FRYL: variants seen among roughly 807,000 people sequenced by gnomAD.
FRYL encodes protein furry homolog-like.
Under a neutral mutation model 351.2 loss-of-function variants are expected in FRYL, and 150 were observed. The ratio of observed to expected loss-of-function variants is 0.43; its 90% CI spans 0.37 to 0.49. FRYL has a LOEUF of 0.49. Ranked by LOEUF, FRYL falls within the 20% of genes least tolerant of loss-of-function variation. The pLI is 0.00. For synonymous variants in FRYL, 1,153 were observed against 1,257.1 expected, an observed-to-expected ratio of 0.92 and a Z score of 1.75; for missense variants, 3,036 against 3,619.3, an observed-to-expected ratio of 0.84 and a Z score of 4.13.
At chr4:48,552,251 G>C in intron 36 of FRYL, among the ~76,000 whole-genome samples, 1 of 88,768 alleles carries the variant, frequency 1.1e-5, no homozygotes, top group East Asian at 2.6e-4. Flanking sequence ...AGGGGTGTGT[G>C]TGTGTGTGTG....
intron 3 of FRYL, among the ~76,000 whole-genome samples, chr4:48,661,155 C>T (rs1418109347): frequency 6.6e-6 from 1 of 152,148 alleles, no homozygotes; most frequent in Admixed American, 6.6e-5. Flanking sequence ...TGTACTATCC[C>T]TGCAACTTTT....
rs370729838 is a variant in FRYL, at chr4:48,610,390, T to C, written c.412-567A>G. On this transcript the variant is annotated intron_variant, in intron 7 of 63. Transcript: ENST00000358350. ...AAACCAGTAATAAAAGCCCTACTCCTCCACCACATATAATCACTATTAACA... is the reference window on the plus strand; with the variant it reads ...AAACCAGTAATAAAAGCCCTACTCCCCCACCACATATAATCACTATTAACA... 1.0e-3 allele frequency among the ~76,000 whole-genome samples: 158 copies of C among 152,002 alleles called. 3 individuals carry two copies. The South Asian group carries it at 0.032, about 31-fold the overall frequency.
chr4:48,635,605 C>T (rs1169420077), intron 3 of FRYL, among the ~76,000 whole-genome samples: 1 of 152,212 alleles, frequency 6.6e-6, no homozygotes, highest in Non-Finnish European at 1.5e-5. Context: ...TGCTGTGCAG[C>T]TTCACCTGCT....
chr4:48,553,468 G>A (rs1053148343), intron 35 of FRYL, 85 bp from the exon 36 acceptor site: 16 of 916,594 alleles, frequency 1.7e-5, no homozygotes, highest in African/African-American at 3.3e-5. Context: ...ATCAGAGTAA[G>A]TTCAACTTTA....
intron 1 of FRYL, among the ~76,000 whole-genome samples, chr4:48,740,409 C>A (rs1387514861): frequency 6.6e-6 from 1 of 151,614 alleles, no homozygotes; most frequent in African/African-American, 2.4e-5. Flanking sequence ...ATTCTCCTGC[C>A]TCAGCCTCCT....
intron 1 of FRYL, among the ~76,000 whole-genome samples, chr4:48,751,437 A>G (rs919854935): frequency 3.9e-5 from 6 of 152,196 alleles, no homozygotes; most frequent in Non-Finnish European, 8.8e-5. Context: ...ATATATCCCA[A>G]ATGATTAAAC....
chr4:48,586,122 G>A (rs984074967), intron 19 of FRYL, among the ~76,000 whole-genome samples: 1 of 152,048 alleles, frequency 6.6e-6, no homozygotes, highest in Non-Finnish European at 1.5e-5. Context: ...TGGTTGTCAG[G>A]TTATTTACTC....
At chr4:48,502,763 T>C (rs369854933) in intron 61 of FRYL, 65 bp downstream of exon 61, 54 of 1,268,750 alleles carry the variant, frequency 4.3e-5, no homozygotes, top group South Asian at 4.0e-4. Context: ...AATGGACAAA[T>C]GGCAGATGAA....
intron 29 of FRYL, 105 bp from the exon 30 acceptor site, chr4:48,565,148 C>CT: frequency 1.8e-6 from 1 of 558,994 alleles, no homozygotes; most frequent in Non-Finnish European, 3.1e-6. Context: ...ATACTTTAAT[C>CT]TTTTTTCTTT....
At chr4:48,629,699 G>A (rs149976374) in intron 4 of FRYL, among the ~76,000 whole-genome samples, 1 of 152,152 alleles carries the variant, frequency 6.6e-6, no homozygotes, top group East Asian at 1.9e-4. Context: ...GACACTTGAG[G>A]CACAACCAGA....
chr4:48,531,481 C>A (rs933710960), intron 49 of FRYL, 128 bp from the exon 50 acceptor site: 13 of 651,220 alleles, frequency 2.0e-5, no homozygotes, highest in East Asian at 2.0e-4. Context: ...TTTTGAAGAT[C>A]CTTAATGAAA....
At chr4:48,559,769 A>C (rs1476892092) in intron 33 of FRYL, among the ~76,000 whole-genome samples, 2 of 151,982 alleles carry the variant, frequency 1.3e-5, no homozygotes, top group Non-Finnish European at 2.9e-5. Flanking sequence ...GCAAGAATCT[A>C]CCAAAAGAGA....
chr4:48,675,578 C>T (rs566279565), intron 3 of FRYL, among the ~76,000 whole-genome samples: 3 of 152,356 alleles, frequency 2.0e-5, no homozygotes, highest in South Asian at 2.1e-4. Context: ...TGCCTTCCCG[C>T]GGGGCAGGGC....
At chr4:48,620,809 A>G in intron 5 of FRYL, 31 bp from the exon 6 acceptor site, 1 of 1,587,278 alleles carries the variant, frequency 6.3e-7, no homozygotes, top group Non-Finnish European at 8.6e-7. Context: ...CAGAAAATAA[A>G]TTGTAACACT....
chr4:48,630,525 T>C (rs543927641), intron 4 of FRYL, among the ~76,000 whole-genome samples: 2 of 152,292 alleles, frequency 1.3e-5, no homozygotes, highest in Admixed American at 6.5e-5. Context: ...GATTAACAGA[T>C]AAACTTGGAT....
intron 8 of FRYL, 39 bp downstream of exon 8, chr4:48,609,705 C>A: frequency 9.6e-7 from 1 of 1,040,290 alleles, no homozygotes; most frequent in Non-Finnish European, 1.4e-6. Context: ...ACCTGGATTG[C>A]AAAAAAAGGC....
At chr4:48,697,937 T>C (rs1173366945) in intron 2 of FRYL, among the ~76,000 whole-genome samples, 2 of 152,190 alleles carry the variant, frequency 1.3e-5, no homozygotes, top group African/African-American at 2.4e-5. Context: ...AGTTGAAGGA[T>C]ACAATTGAAC....
At chr4:48,754,350 C>T (rs1300420887) in intron 1 of FRYL, among the ~76,000 whole-genome samples, 2 of 152,166 alleles carry the variant, frequency 1.3e-5, no homozygotes, top group Non-Finnish European at 2.9e-5. Context: ...TACTCCATTG[C>T]ATGGACATAC....
intron 2 of FRYL, among the ~76,000 whole-genome samples, chr4:48,708,633 C>A (rs1767648108): frequency 6.6e-6 from 1 of 152,202 alleles, no homozygotes; most frequent in Non-Finnish European, 1.5e-5. Context: ...AATCCATTCA[C>A]CCTGGCTGGA....
Sources: allele counts gnomAD v4.1 joint callset (sites outside exome capture counted in the v4.1 genomes callset), GRCh38; gene constraint gnomAD v4.1.1; transcripts MANE v1.5; gene names NCBI Gene and HGNC (gene_info 2026-07-23, HGNC 2026-07-21).